The following DPYD variants were observed in gnomAD, a reference collection of about 807,000 sequenced individuals.
DPYD encodes the protein dihydropyrimidine dehydrogenase.
A neutral mutation model predicts 116.2 loss-of-function variants in DPYD; 109 were observed. The observed-to-expected ratio is 0.94, with a 90% CI of 0.80 to 1.10. The LOEUF (loss-of-function observed/expected upper bound fraction) is 1.10, where lower values mean the gene tolerates loss of function less well. Among genes scored for constraint, DPYD ranks in the 50% least tolerant of loss-of-function variants. DPYD has a pLI of 0.00. For synonymous variants in DPYD, 440 were observed against 432.0 expected (o/e 1.02, Z -0.23); for missense variants, 1,302 against 1,254.5 (o/e 1.04, Z -0.57).
intron 14 of DPYD, among the ~76,000 whole-genome samples, chr1:97,390,478 A>T (rs1188951453): frequency 1.3e-5 from 2 of 152,072 alleles, no homozygotes; most frequent in Non-Finnish European, 2.9e-5. Flanking sequence ...CCTTAGTTCA[A>T]ATTTAGTGAA....
chr1:97,283,186 C>T (rs1265133613), intron 18 of DPYD, among the ~76,000 whole-genome samples: 1 of 151,842 alleles, frequency 6.6e-6, no homozygotes, highest in African/African-American at 2.4e-5. Context: ...AGACTTTTTT[C>T]TAAATAAATA....
intron 18 of DPYD, among the ~76,000 whole-genome samples, chr1:97,289,123 C>T (rs554944639): frequency 4.3e-4 from 65 of 152,202 alleles, no homozygotes; most frequent in African/African-American, 1.5e-3. Context: ...TACACCCTCC[C>T]AAGACTAAAC....
At chr1:97,411,921 C>T (rs908103936) in intron 14 of DPYD, among the ~76,000 whole-genome samples, 1 of 152,054 alleles carries the variant, frequency 6.6e-6, no homozygotes, top group Non-Finnish European at 1.5e-5. Context: ...ATTCATATTA[C>T]CTGTTTAAAT....
At chr1:97,609,647 A>G (rs1655812149) in intron 8 of DPYD, among the ~76,000 whole-genome samples, 1 of 151,998 alleles carries the variant, frequency 6.6e-6, no homozygotes, top group Non-Finnish European at 1.5e-5. Flanking sequence ...ACAGATTTAA[A>G]ATAGCAAAAA....
chr1:97,376,887 G>GTGTGTGTGTATA, intron 15 of DPYD, among the ~76,000 whole-genome samples: 2 of 128,408 alleles, frequency 1.6e-5, no homozygotes, highest in African/African-American at 2.9e-5. Flanking sequence ...GTGTGTGTGT[G>GTGTGTGTGTATA]TATATATATA....
chr1:97,558,015 C>A (rs1369494080), intron 11 of DPYD, among the ~76,000 whole-genome samples: 1 of 152,026 alleles, frequency 6.6e-6, no homozygotes, highest in Non-Finnish European at 1.5e-5. Flanking sequence ...CAAGAGAAAG[C>A]CAGAATAAAT....
chr1:97,844,806 G>A (rs964875397), intron 2 of DPYD, among the ~76,000 whole-genome samples: 1 of 152,188 alleles, frequency 6.6e-6, no homozygotes, highest in Admixed American at 6.5e-5. Flanking sequence ...TCAGGGGCCT[G>A]GGAAACCCCC....
intron 19 of DPYD, among the ~76,000 whole-genome samples, chr1:97,199,451 T>C (rs747216919): frequency 1.2e-4 from 19 of 152,146 alleles, no homozygotes; most frequent in Non-Finnish European, 2.8e-4. Context: ...GCAACATACT[T>C]AAGTGCTTAA....
chr1:97,779,277 C>T (rs1666594231), intron 3 of DPYD, among the ~76,000 whole-genome samples: 1 of 145,790 alleles, frequency 6.9e-6, no homozygotes, highest in Admixed American at 7.2e-5. Context: ...AGTATTTGCC[C>T]TTATTGTCTC....
At chr1:97,613,416 T>C (rs888841387) in intron 8 of DPYD, among the ~76,000 whole-genome samples, 6 of 151,944 alleles carry the variant, frequency 3.9e-5, no homozygotes, top group Admixed American at 3.9e-4. Context: ...ACTAAAATCT[T>C]TAATAAATTT....
rs372550934 is a variant in DPYD, at chr1:97,875,491, C to G, written c.150+7773G>C. 4.6e-5 allele frequency among the ~76,000 whole-genome samples: 7 copies of G among 151,960 alleles called. No individual in the cohort carries two copies. In the East Asian group the frequency reaches 5.8e-4, roughly 13 times the overall value. On this transcript the variant is annotated intron_variant, in intron 2 of 22. Transcript: ENST00000370192. ...ACAACTAGACTCTAAACTTTCTACC[C>G]AAAATGCCTTTGCATAAGCAGCCAG...
chr1:97,581,488 T>A (rs1261590832), intron 10 of DPYD, among the ~76,000 whole-genome samples: 1 of 151,932 alleles, frequency 6.6e-6, no homozygotes, highest in Non-Finnish European at 1.5e-5. Context: ...AGGCCTATAA[T>A]CTCAGTGCTT....
intron 10 of DPYD, among the ~76,000 whole-genome samples, chr1:97,588,945 T>C (rs958458923): frequency 1.3e-5 from 2 of 152,192 alleles, no homozygotes; most frequent in East Asian, 3.9e-4. Context: ...CTGGAAAGCA[T>C]GTTGATGATA....
At chr1:97,376,667 C>A (rs758530855) in intron 15 of DPYD, among the ~76,000 whole-genome samples, 1 of 152,078 alleles carries the variant, frequency 6.6e-6, no homozygotes, top group Non-Finnish European at 1.5e-5. Context: ...GTTAAATTAA[C>A]TGAAATTGGG....
At chr1:97,087,480 G>A (rs1649598698) in intron 21 of DPYD, among the ~76,000 whole-genome samples, 2 of 152,204 alleles carry the variant, frequency 1.3e-5, no homozygotes, top group Non-Finnish European at 1.5e-5. Context: ...CGGCGAGGGT[G>A]AGAGAAGCAA....
chr1:97,463,211 G>C (rs139551194), intron 13 of DPYD, among the ~76,000 whole-genome samples: 1 of 152,248 alleles, frequency 6.6e-6, no homozygotes, highest in South Asian at 2.1e-4. Context: ...GGAGGGACCC[G>C]GTGGGAGATA....
At chr1:97,290,593 C>A (rs937293112) in intron 18 of DPYD, among the ~76,000 whole-genome samples, 1 of 152,060 alleles carries the variant, frequency 6.6e-6, no homozygotes, top group African/African-American at 2.4e-5. Flanking sequence ...GGAAAGGATT[C>A]CCTATTTAAT....
intron 12 of DPYD, chr1:97,545,609 C>T (rs1474895713): frequency 7.2e-6 from 4 of 558,394 alleles, no homozygotes. Flanking sequence ...ATTCAGTGGA[C>T]TGCTGGATTA....
chr1:97,352,631 G>A (rs1318210015), intron 16 of DPYD, among the ~76,000 whole-genome samples: 1 of 150,358 alleles, frequency 6.7e-6, no homozygotes, highest in Non-Finnish European at 1.5e-5. Context: ...GGTCTACACT[G>A]TTTTCAAAAA....
Sources: gnomAD v4.1 joint callset for allele counts (sites outside exome capture counted in the v4.1 genomes callset) on GRCh38, gnomAD v4.1.1 for gene constraint, MANE v1.5 for transcripts, NCBI Gene and HGNC (gene_info 2026-07-23, HGNC 2026-07-21) for gene names.